Variants in CTNNA2 observed in about 807,000 individuals in gnomAD.
CTNNA2 encodes the protein catenin alpha-2.
CTNNA2 carries 42 observed loss-of-function variants against 101.0 expected under a neutral mutation model. That is an observed-to-expected ratio of 0.42 (90% CI 0.32 to 0.54). CTNNA2 has a LOEUF of 0.54. CTNNA2 is among the 20% of genes least tolerant of loss of function. The probability of loss-of-function intolerance (pLI) is 0.14; values close to 1 mark genes in which losing one functional copy is unlikely to be tolerated. For missense variants in CTNNA2, 871 were observed against 1,223.1 expected, an observed-to-expected ratio of 0.71 and a Z score of 4.29; for synonymous variants, 450 against 456.4, an observed-to-expected ratio of 0.99 and a Z score of 0.18.
At chr2:79,236,101 CA>C (rs1674554280) in intron 2 of CTNNA2, among the ~76,000 whole-genome samples, 1 of 152,178 alleles carries the variant, frequency 6.6e-6, no homozygotes, top group Non-Finnish European at 1.5e-5. Context: ...CAGGCAGAAA[CA>C]GAAATACTGG....
chr2:79,962,974 G>A (rs535623357), intron 7 of CTNNA2, among the ~76,000 whole-genome samples: 6 of 150,822 alleles, frequency 4.0e-5, no homozygotes, highest in Non-Finnish European at 7.4e-5. Flanking sequence ...GGGAGGCTGA[G>A]GCAGGAGAAC....
At chr2:79,262,838 G>A (rs1300001124) in intron 2 of CTNNA2, among the ~76,000 whole-genome samples, 1 of 152,090 alleles carries the variant, frequency 6.6e-6, no homozygotes, top group Non-Finnish European at 1.5e-5. Context: ...AAGCCACAGT[G>A]CAAAAGGCAT....
At position 79,967,905 on chromosome 2, in the gene CTNNA2, A is replaced by G. The variant is rs143573533; in HGVS notation, c.1056+58108A>G. ...GAATGAATAACCAATATATACTTCA[A>G]TGTGGATGAACTCAAGAACATTATG... On this transcript the variant is annotated intron_variant, in intron 7 of 18. Transcript: ENST00000402739. Among the ~76,000 whole-genome samples, 317 of 152,342 alleles carry G rather than the reference A, an allele frequency of 2.1e-3. 1 individual carries two copies. Among genetic ancestry groups the G allele is most frequent in the Non-Finnish European group, 3.1e-3 (212 of 68,028 alleles).
intron 3 of CTNNA2, among the ~76,000 whole-genome samples, chr2:79,824,953 A>G (rs1334772506): frequency 6.6e-6 from 1 of 152,138 alleles, no homozygotes; most frequent in Non-Finnish European, 1.5e-5. Context: ...CACTTAGGGA[A>G]GCTGAGGTGG....
At chr2:79,343,450 G>T (rs991520178) in intron 3 of CTNNA2, among the ~76,000 whole-genome samples, 3 of 152,182 alleles carry the variant, frequency 2.0e-5, no homozygotes, top group African/African-American at 7.2e-5. Context: ...AGAAACAACA[G>T]TGTATGATCT....
chr2:80,043,159 TTCCTTCCTTCCTTCCTTCCTTC>T (rs1696278799), intron 7 of CTNNA2, among the ~76,000 whole-genome samples: 6 of 106,444 alleles, frequency 5.6e-5, no homozygotes, highest in African/African-American at 2.2e-4. Flanking sequence ...CCTTCCTTCC[TTCCTTCCTTCCTTCCTTCCTTC>T]CTTTCTTTCT....
At chr2:79,444,114 C>T (rs553902601) in intron 4 of CTNNA2, among the ~76,000 whole-genome samples, 34 of 152,070 alleles carry the variant, frequency 2.2e-4, no homozygotes, top group African/African-American at 4.3e-4. Flanking sequence ...TCAGATGAGA[C>T]GATAACCCTA....
chr2:80,404,410 A>G lies in CTNNA2; in HGVS notation c.1137+11119A>G, dbSNP rs113083373. ...AATAGTAATATATGTAATTCTCTCA[A>G]CAAAGAATGTCCCCCAGTGAGGGGG... On this transcript the variant is annotated intron_variant, in intron 8 of 18. Coordinates refer to ENST00000402739, the MANE Select transcript of CTNNA2 (RefSeq NM_001282597.3). Among the ~76,000 whole-genome samples, 184 of 152,224 alleles carry G rather than the reference A, an allele frequency of 1.2e-3. 3 individuals are homozygous for G. Among genetic ancestry groups the G allele is most frequent in the African/African-American group, 4.3e-3 (180 of 41,530 alleles).
intron 7 of CTNNA2, among the ~76,000 whole-genome samples, chr2:79,983,551 C>T (rs1691544989): frequency 6.6e-6 from 1 of 151,958 alleles, no homozygotes; most frequent in Non-Finnish European, 1.5e-5. Context: ...GTGTTGCAGA[C>T]TAATGCAACA....
At chr2:79,904,624 A>G (rs1164517109) in intron 6 of CTNNA2, among the ~76,000 whole-genome samples, 1 of 152,208 alleles carries the variant, frequency 6.6e-6, no homozygotes, top group Non-Finnish European at 1.5e-5. Flanking sequence ...CCATGGGACA[A>G]CATCTCTGGC....
intron 6 of CTNNA2, among the ~76,000 whole-genome samples, chr2:79,886,144 T>C (rs1683844004): frequency 6.6e-6 from 1 of 152,096 alleles, no homozygotes; most frequent in Admixed American, 6.5e-5. Flanking sequence ...TATGTGTGCG[T>C]AAGGGGGTGG....
rs1672094106 is a variant in CTNNA2 at position 79,521,146 on chromosome 2, ATATATATATATATATAT to A, written c.-6+7940_-6+7956del. ...TATATATATATATATATATATATATATATATATATATATATATATATAAATTTTAAGGTGCGCTATTT... is the reference window on the plus strand; with the variant it reads ...TATATATATATATATATATATATATAATATAAATTTTAAGGTGCGCTATTT... On this transcript the variant is annotated intron_variant, in intron 1 of 18. Coordinates refer to ENST00000402739, the MANE Select transcript of CTNNA2 (RefSeq NM_001282597.3). Among the ~76,000 whole-genome samples the A allele has an allele frequency of 2.6e-3, 105 of 40,782 alleles. 4 individuals are homozygous for A. In the Middle Eastern group the frequency reaches 0.043, roughly 17 times the overall value. The allele number at this position is 40,782 out of a possible 152,430, so 26.8% of individuals were successfully genotyped here.
intron 7 of CTNNA2, among the ~76,000 whole-genome samples, chr2:80,252,217 T>C (rs2149108168): frequency 6.6e-6 from 1 of 152,296 alleles, no homozygotes; most frequent in South Asian, 2.1e-4. Context: ...ACTGACCCTC[T>C]TAATATCTGG....
intron 9 of CTNNA2, among the ~76,000 whole-genome samples, chr2:80,534,139 G>T (rs1690784263): frequency 6.6e-6 from 1 of 152,134 alleles, no homozygotes; most frequent in African/African-American, 2.4e-5. Context: ...TGCTAGTGGT[G>T]TGTGTATCCC....
intron 7 of CTNNA2, among the ~76,000 whole-genome samples, chr2:80,254,877 G>T (rs1198228630): frequency 6.6e-6 from 1 of 152,122 alleles, no homozygotes; most frequent in African/African-American, 2.4e-5. Flanking sequence ...GTAGAGTTGG[G>T]CTACATCTCA....
At chr2:80,519,012 A>G (rs1236924596) in intron 9 of CTNNA2, among the ~76,000 whole-genome samples, 4 of 152,142 alleles carry the variant, frequency 2.6e-5, no homozygotes, top group Non-Finnish European at 5.9e-5. Flanking sequence ...ATTGCTTAGA[A>G]GAAGGGAATC....
At chr2:79,333,588 C>T (rs1330678106) in intron 3 of CTNNA2, among the ~76,000 whole-genome samples, 2 of 151,996 alleles carry the variant, frequency 1.3e-5, no homozygotes, top group Non-Finnish European at 2.9e-5. Flanking sequence ...GTATGCATAA[C>T]ATAGAAATGA....
intron 7 of CTNNA2, among the ~76,000 whole-genome samples, chr2:80,340,515 C>T (rs553777773): frequency 6.6e-6 from 1 of 152,118 alleles, no homozygotes; most frequent in Non-Finnish European, 1.5e-5. Flanking sequence ...AGAATTGAGT[C>T]TCTTCCCATT....
intron 6 of CTNNA2, among the ~76,000 whole-genome samples, chr2:79,908,050 G>A (rs958577467): frequency 2.0e-5 from 3 of 152,222 alleles, no homozygotes; most frequent in Middle Eastern, 3.4e-3. Context: ...GCTTTGGAGG[G>A]TTACAACAAA....
Sources: gnomAD v4.1 joint callset for allele counts (sites outside exome capture counted in the v4.1 genomes callset) on GRCh38, gnomAD v4.1.1 for gene constraint, MANE v1.5 for transcripts, NCBI Gene and HGNC (gene_info 2026-07-23, HGNC 2026-07-21) for gene names.